Variants in NTRK3 observed in about 807,000 individuals in gnomAD.
NTRK3 encodes neurotrophic receptor tyrosine kinase 3.
Under a neutral mutation model 91.7 loss-of-function variants are expected in NTRK3, and 24 were observed. The observed-to-expected ratio is 0.26, with a 90% CI of 0.19 to 0.37. NTRK3 has a LOEUF of 0.37. Among genes scored for constraint, NTRK3 ranks in the 10% least tolerant of loss-of-function variants. The pLI is 1.00. For synonymous variants in NTRK3, 483 were observed against 404.0 expected (o/e 1.20, Z -2.34); for missense variants, 880 against 1,068.9 (o/e 0.82, Z 2.46).
chr15:87,957,829 T>A (rs1278705089), intron 14 of NTRK3, among the ~76,000 whole-genome samples: 1 of 152,214 alleles, frequency 6.6e-6, no homozygotes, highest in African/African-American at 2.4e-5. Context: ...GCCCATTGTT[T>A]AGCAGAGCAC....
intron 3 of NTRK3, among the ~76,000 whole-genome samples, chr15:88,207,387 A>G (rs763888198): frequency 2.6e-5 from 4 of 152,202 alleles, no homozygotes; most frequent in Non-Finnish European, 5.9e-5. Context: ...TCCTGCCCAG[A>G]GCCCAAACAC....
chr15:88,099,837 G>A (rs555278666), intron 13 of NTRK3, among the ~76,000 whole-genome samples: 3 of 152,214 alleles, frequency 2.0e-5, no homozygotes, highest in African/African-American at 4.8e-5. Flanking sequence ...ATGGTGGGGC[G>A]GTTCACATAG....
Position 87,889,126 on chromosome 15 carries a change from C to T in NTRK3, c.2134-8698G>A, listed in dbSNP as rs144205618. On this transcript the variant is annotated intron_variant, in intron 17 of 18. Coordinates refer to ENST00000394480, the Ensembl canonical transcript of NTRK3. ...AGGATTTTCCCCTATAAACACAGCT[C>T]TGCTACCTTCTAGCTGTGGATCCCT... Among the ~76,000 whole-genome samples, 1,307 of 152,274 alleles carry T rather than the reference C, an allele frequency of 8.6e-3. 23 individuals carry two copies. The highest frequency in any genetic ancestry group is 0.029 in the African/African-American group (1,223 of 41,548).
At chr15:87,981,529 C>T (rs1447487894) in intron 14 of NTRK3, among the ~76,000 whole-genome samples, 32 of 152,250 alleles carry the variant, frequency 2.1e-4, no homozygotes, top group Non-Finnish European at 1.9e-4. Context: ...GTTTATTTTA[C>T]GCATAAAATC....
chr15:87,943,578 G>C (rs1211531941), intron 14 of NTRK3, among the ~76,000 whole-genome samples: 1 of 152,124 alleles, frequency 6.6e-6, no homozygotes, highest in African/African-American at 2.4e-5. Flanking sequence ...CTCACTCCCA[G>C]CTACAATTAG....
At chr15:87,909,285 G>C (rs1461107061) in intron 17 of NTRK3, among the ~76,000 whole-genome samples, 2 of 152,124 alleles carry the variant, frequency 1.3e-5, no homozygotes, top group Non-Finnish European at 2.9e-5. Context: ...TGAGAGGAGG[G>C]GGGTGCATGA....
intron 17 of NTRK3, among the ~76,000 whole-genome samples, chr15:87,888,157 C>T (rs1203789676): frequency 3.3e-5 from 5 of 152,070 alleles, no homozygotes; most frequent in African/African-American, 9.7e-5. Context: ...CACATGCTCA[C>T]AAAGAGGATG....
intron 14 of NTRK3, among the ~76,000 whole-genome samples, chr15:88,006,328 T>A (rs1311486592): frequency 6.6e-6 from 1 of 152,218 alleles, no homozygotes; most frequent in African/African-American, 2.4e-5. Flanking sequence ...TATTAATATC[T>A]TACACGTCTC....
rs2076656925 is a variant in NTRK3 at position 88,008,663 on chromosome 15, C to T, written c.1585+24194G>A. On this transcript the variant is annotated intron_variant, in intron 14 of 18. Coordinates refer to ENST00000394480, the Ensembl canonical transcript of NTRK3. ...AGTCCCAGTCTCCTGACACTCAAGGCTCTTGGTGGCAGTGCAGTTCTGATG... is the reference window on the plus strand; with the variant it reads ...AGTCCCAGTCTCCTGACACTCAAGGTTCTTGGTGGCAGTGCAGTTCTGATG... Among the ~76,000 whole-genome samples the T allele has an allele frequency of 3.9e-5, 6 of 152,300 alleles. No individual in the cohort carries two copies. The South Asian group carries it at 1.0e-3, about 26-fold the overall frequency.
chr15:88,010,867 C>T (rs970813898), intron 14 of NTRK3, among the ~76,000 whole-genome samples: 8 of 152,104 alleles, frequency 5.3e-5, no homozygotes, highest in Non-Finnish European at 1.0e-4. Context: ...ATTCACCTGC[C>T]ACCACATCAT....
intron 3 of NTRK3, among the ~76,000 whole-genome samples, chr15:88,247,179 A>AGCTACTATT (rs1392180467): frequency 6.6e-6 from 1 of 152,184 alleles, no homozygotes; most frequent in African/African-American, 2.4e-5. Flanking sequence ...AGGACTTCGA[A>AGCTACTATT]GCTACTATTG....
intron 13 of NTRK3, chr15:88,072,752 G>C (rs1250849562): frequency 1.3e-5 from 3 of 232,962 alleles, no homozygotes; most frequent in African/African-American, 4.4e-5. Flanking sequence ...CTGGCTTTTG[G>C]GGGAGAGGCT....
chr15:87,942,868 T>A (rs2070030584), intron 14 of NTRK3, among the ~76,000 whole-genome samples: 1 of 152,282 alleles, frequency 6.6e-6, no homozygotes, highest in Non-Finnish European at 1.5e-5. Context: ...TTATTGATAT[T>A]ATTTTACAAA....
chr15:88,254,780 A>C (rs2142065290), intron 3 of NTRK3, among the ~76,000 whole-genome samples: 1 of 152,130 alleles, frequency 6.6e-6, no homozygotes, highest in African/African-American at 2.4e-5. Context: ...CTGCCTACCC[A>C]TTGCTGAGGG....
At chr15:88,140,703 A>G (rs373794461) in intron 6 of NTRK3, among the ~76,000 whole-genome samples, 1 of 152,248 alleles carries the variant, frequency 6.6e-6, no homozygotes, top group African/African-American at 2.4e-5. Flanking sequence ...CGGTATGCTC[A>G]TGAGAGGATG....
At chr15:87,960,259 C>T (rs1310861890) in intron 14 of NTRK3, among the ~76,000 whole-genome samples, 1 of 152,104 alleles carries the variant, frequency 6.6e-6, no homozygotes. Context: ...AAGAAATTCC[C>T]TTATTTCCCT....
At chr15:87,967,851 G>A (rs1567163846) in intron 14 of NTRK3, among the ~76,000 whole-genome samples, 2 of 152,232 alleles carry the variant, frequency 1.3e-5, no homozygotes, top group Admixed American at 1.3e-4. Flanking sequence ...GGCAGTCAGT[G>A]ATGTCTGAGT....
At chr15:87,869,593 C>G (rs576735476) in exon 19 of NTRK3, 3 of 212,710 alleles carry the variant, frequency 1.4e-5, no homozygotes, top group Non-Finnish European at 2.8e-5. Context: ...TTAAGACTTT[C>G]GTGGAGTTTG....
In NTRK3 at chr15:88,137,567, G is replaced by A. The variant is rs763028819; in HGVS notation, c.465-6C>T. 28 of 1,613,142 alleles carry A rather than the reference G, an allele frequency of 1.7e-5. No homozygotes were observed. The highest frequency in any genetic ancestry group is 5.0e-5 in the Admixed American group (3 of 59,950). ...AAAAGTTCTGCTCCAACTGCCTGTC[G>A]GCAAAGAGAGAGGGGAAGGGAACCT... is the stretch of plus-strand genomic sequence containing the variant. On this transcript the variant is annotated splice_polypyrimidine_tract_variant and splice_region_variant and intron_variant, in intron 6 of 18. Transcript: ENST00000394480.
Sources: allele counts gnomAD v4.1 joint callset (sites outside exome capture counted in the v4.1 genomes callset), GRCh38; gene constraint gnomAD v4.1.1; transcripts MANE v1.5; gene names NCBI Gene and HGNC (gene_info 2026-07-23, HGNC 2026-07-21).